AOX1: variants seen among roughly 807,000 people sequenced by gnomAD.
AOX1 encodes the protein aldehyde oxidase 1.
In AOX1, 153 loss-of-function variants were observed where a neutral mutation model predicts 169.5. The observed-to-expected ratio is 0.90, with a 90% confidence interval of 0.79 to 1.03. The LOEUF is 1.03. Ranked by LOEUF, AOX1 falls within the 50% of genes least tolerant of loss-of-function variation. The pLI, the probability that AOX1 is intolerant of heterozygous loss-of-function variation, is 0.00. For synonymous variants in AOX1, 562 were observed against 581.9 expected (o/e 0.97, Z 0.49); for missense variants, 1,656 against 1,663.9 (o/e 1.00, Z 0.08).
chr2:200,647,934 T>A (rs1378315962), intron 25 of AOX1, among the ~76,000 whole-genome samples: 1 of 125,842 alleles, frequency 7.9e-6, no homozygotes, highest in Non-Finnish European at 1.6e-5. Context: ...GTTTCCTGAA[T>A]TTTTTTATTG....
rs201083953 is a variant in AOX1, at chr2:200,637,041, A to G, written c.2477A>G (p.Asn826Ser). 25 of 1,613,934 alleles carry G rather than the reference A, an allele frequency of 1.5e-5. No homozygotes were observed. The Admixed American group carries it at 3.3e-4, about 22-fold the overall frequency. ...GCAGCCGTCACTGCATTTGCCGCAA[A>G]CAAGTAAGTGGAGAAAATCTGCTAA... ...IIAAVTAFAA[N>S]KHGRAVRCVL... Residue 826 changes from asparagine to serine, a missense_variant, in exon 22 of 35, where the codon AAC (asparagine) becomes AGC (serine). Asn to Ser is a conservative substitution (Grantham distance 46). Coordinates refer to ENST00000374700, the MANE Select transcript of AOX1 (RefSeq NM_001159.4).
At chr2:200,638,485 T>C (rs1010754907) in intron 23 of AOX1, among the ~76,000 whole-genome samples, 183 bp downstream of exon 23, 26 of 152,230 alleles carry the variant, frequency 1.7e-4, no homozygotes, top group Non-Finnish European at 3.4e-4. Context: ...AATGGAGGCT[T>C]TTCTGCTTAG....
At chr2:200,656,736 T>C (rs1221341817) in intron 26 of AOX1, 106 bp from the exon 27 acceptor site, 3 of 754,758 alleles carry the variant, frequency 4.0e-6, no homozygotes, top group African/African-American at 1.8e-5. Flanking sequence ...CCCTGGGGGG[T>C]GCGGGATTCT....
chr2:200,635,599 T>G (rs1172454762), intron 21 of AOX1, among the ~76,000 whole-genome samples: 1 of 152,138 alleles, frequency 6.6e-6, no homozygotes, highest in African/African-American at 2.4e-5. Context: ...TTCCAGGCAA[T>G]TCCACAGCAA....
Position 200,608,992 on chromosome 2 carries a change from C to T in AOX1, c.916C>T (p.Leu306Phe), listed in dbSNP as rs1391610865. Reference sequence around the variant, plus strand: ...AAATGACTTCATTTCAGGACTCACCCTTGGTGCTGGTCTCAGCCTAGCCCA... The same window carrying T: ...AAATGACTTCATTTCAGGACTCACCTTTGGTGCTGGTCTCAGCCTAGCCCA... ...VVNHAYNGLT[L>F]GAGLSLAQVK... The change falls in exon 11 of 35, where the codon CTT becomes TTT. Residue 306 changes from leucine to phenylalanine, a missense_variant. Leu to Phe is a conservative substitution (Grantham distance 22). Coordinates refer to ENST00000374700, the MANE Select transcript of AOX1 (RefSeq NM_001159.4). 6.2e-7 allele frequency: 1 copy of T among 1,613,460 alleles called. No homozygotes were observed. The highest frequency in any genetic ancestry group is 1.7e-5 in the Admixed American group (1 of 59,840).
At chr2:200,674,877 T>A (rs1467483749), downstream of AOX1, among the ~76,000 whole-genome samples, 1 of 152,136 alleles carries the variant, frequency 6.6e-6, no homozygotes, top group Non-Finnish European at 1.5e-5. Flanking sequence ...TGGGTAGAGG[T>A]TTGCCTTTCC....
At chr2:200,664,329 G>T (rs1399865868) in intron 31 of AOX1, among the ~76,000 whole-genome samples, 5 of 152,140 alleles carry the variant, frequency 3.3e-5, no homozygotes, top group African/African-American at 4.8e-5. Context: ...TCACCATGTT[G>T]CCCAGGCTGG....
At chr2:200,674,417 T>G (rs1009319357), downstream of AOX1, among the ~76,000 whole-genome samples, 1 of 143,666 alleles carries the variant, frequency 7.0e-6, no homozygotes, top group Non-Finnish European at 1.5e-5. Context: ...GGCCAGCTGG[T>G]CAAGGGCCTG....
intron 16 of AOX1, among the ~76,000 whole-genome samples, chr2:200,619,940 G>A (rs555840529): frequency 3.7e-4 from 57 of 152,052 alleles, no homozygotes; most frequent in African/African-American, 1.2e-3. Context: ...TATATGTATC[G>A]TGCTTATATA....
chr2:200,666,974 T>G lies in AOX1; in HGVS notation c.3609+222T>G, dbSNP rs531238372. On this transcript the variant is annotated intron_variant, in intron 32 of 34. Transcript: ENST00000374700. Reference sequence around the variant, plus strand: ...TTTGAAGAAACATAAAATCTGTGACTAGGGAGCTTGAATGAGGCAAGACCA... The same window carrying G: ...TTTGAAGAAACATAAAATCTGTGACGAGGGAGCTTGAATGAGGCAAGACCA... Among the ~76,000 whole-genome samples the G allele has an allele frequency of 4.1e-4, 62 of 152,288 alleles. 1 individual carries two copies. The highest frequency in any genetic ancestry group is 1.3e-3 in the African/African-American group (53 of 41,560).
rs981297170 is a variant in AOX1 at position 200,671,390 on chromosome 2, A to G, written c.*711A>G. 2 of 152,236 alleles carry G rather than the reference A, an allele frequency of 1.3e-5. No homozygotes were observed. The highest frequency in any genetic ancestry group is 1.3e-4 in the Admixed American group (2 of 15,284). The allele number at this position is 152,236 out of a possible 1,614,324, so 9.4% of individuals were successfully genotyped here. A position where few individuals can be genotyped will look rare whatever the true frequency, so the allele number is the denominator to read the frequency against. On this transcript the variant is annotated 3_prime_UTR_variant, in exon 35 of 35. Coordinates refer to ENST00000374700, the MANE Select transcript of AOX1 (RefSeq NM_001159.4). ...TGGATGGTATGGTAGTTCTATTTTT[A>G]GTTTTTACCCTAACTACTCTGACTT...
chr2:200,636,812 T>C, intron 21 of AOX1, 99 bp from the exon 22 acceptor site: 1 of 1,424,372 alleles, frequency 7.0e-7, no homozygotes, highest in African/African-American at 1.4e-5. Context: ...GGACAGGTTT[T>C]TTGTTGTTGT....
At chr2:200,681,066 G>T (rs2036148531), downstream of AOX1, among the ~76,000 whole-genome samples, 1 of 152,148 alleles carries the variant, frequency 6.6e-6, no homozygotes, top group Non-Finnish European at 1.5e-5. Context: ...AATGGGGAGA[G>T]AACACAATAA....
downstream of AOX1, among the ~76,000 whole-genome samples, chr2:200,672,963 A>G (rs2036048937): frequency 6.6e-6 from 1 of 152,220 alleles, no homozygotes; most frequent in African/African-American, 2.4e-5. Flanking sequence ...GGGGGCAGCC[A>G]TGTAGAACCT....
chr2:200,646,551 G>A (rs1314128755), intron 25 of AOX1, among the ~76,000 whole-genome samples: 1 of 152,130 alleles, frequency 6.6e-6, no homozygotes, highest in African/African-American at 2.4e-5. Context: ...TAGATAAAAT[G>A]TTCTGTATAT....
chr2:200,647,686 A>G lies in AOX1; in HGVS notation c.2848-3288A>G, dbSNP rs190320135. On this transcript the variant is annotated intron_variant, in intron 25 of 34. Transcript: ENST00000374700. ...ATTATCCCCCTGAATATGTTTTCCA[A>G]GCTTTTAGAATTATCTTCTTCCTCA... 1.2e-3 allele frequency among the ~76,000 whole-genome samples: 186 copies of G among 152,310 alleles called. 1 individual carries two copies. Among genetic ancestry groups the G allele is most frequent in the African/African-American group, 4.2e-3 (175 of 41,580 alleles).
chr2:200,626,083 A>G (rs1210770562), intron 19 of AOX1, among the ~76,000 whole-genome samples: 3 of 152,206 alleles, frequency 2.0e-5, no homozygotes, highest in Admixed American at 6.5e-5. Context: ...TGTGGTCAAC[A>G]TGGTTCTAGG....
intron 29 of AOX1, among the ~76,000 whole-genome samples, chr2:200,660,505 G>T (rs528937290): frequency 2.0e-5 from 3 of 152,022 alleles, no homozygotes; most frequent in Non-Finnish European, 4.4e-5. Context: ...CAAGCCAGTG[G>T]GTATATGTTC....
chr2:200,631,169 C>T (rs1278167531), intron 20 of AOX1, among the ~76,000 whole-genome samples: 3 of 152,198 alleles, frequency 2.0e-5, no homozygotes, highest in South Asian at 2.1e-4. Flanking sequence ...TATCTAATCC[C>T]GGTGTCACAG....
Sources: gnomAD v4.1 joint callset for allele counts (sites outside exome capture counted in the v4.1 genomes callset) on GRCh38, gnomAD v4.1.1 for gene constraint, MANE v1.5 for transcripts, NCBI Gene and HGNC (gene_info 2026-07-23, HGNC 2026-07-21) for gene names.